Variants in ZNF236 observed in about 807,000 individuals in gnomAD.
ZNF236 encodes zinc finger protein 236.
In ZNF236, 50 loss-of-function variants were observed where a neutral mutation model predicts 191.2. The observed-to-expected ratio is 0.26, with a 90% CI of 0.21 to 0.33. The LOEUF is 0.33. ZNF236 is among the 10% of genes least tolerant of loss of function. The probability of loss-of-function intolerance (pLI) is 1.00; values close to 1 mark genes in which losing one functional copy is unlikely to be tolerated. For missense variants in ZNF236, 1,754 were observed against 2,374.5 expected, an observed-to-expected ratio of 0.74 and a Z score of 5.43; for synonymous variants, 907 against 928.8, an observed-to-expected ratio of 0.98 and a Z score of 0.43.
intron 4 of ZNF236, 140 bp from the exon 5 acceptor site, chr18:76,871,561 C>T (rs1050589700): frequency 2.4e-6 from 2 of 836,270 alleles, no homozygotes; most frequent in Non-Finnish European, 1.9e-6. Context: ...CACACAGACA[C>T]ATACATATAT....
intron 9 of ZNF236, among the ~76,000 whole-genome samples, chr18:76,883,112 C>T (rs755472578): frequency 2.0e-5 from 3 of 152,046 alleles, no homozygotes; most frequent in Non-Finnish European, 4.4e-5. Flanking sequence ...GACCTTCACC[C>T]GCATGTGCTG....
chr18:76,837,143 C>CCCCCCCG (rs1975358526), intron 1 of ZNF236, among the ~76,000 whole-genome samples: 2 of 125,874 alleles, frequency 1.6e-5, no homozygotes, highest in African/African-American at 5.7e-5. Flanking sequence ...CCCCCCCGCC[C>CCCCCCCG]CGCAAGCCTC....
chr18:76,851,192 G>A (rs537461391), intron 2 of ZNF236, among the ~76,000 whole-genome samples: 12 of 150,650 alleles, frequency 8.0e-5, no homozygotes, highest in African/African-American at 2.4e-4. Context: ...ACTTACAAAC[G>A]GCAAATGTAA....
At chr18:76,837,127 T>TCCCCCCCCCCCCCCC (rs57114708) in intron 1 of ZNF236, among the ~76,000 whole-genome samples, 18 of 37,066 alleles carry the variant, frequency 4.9e-4, no homozygotes, top group African/African-American at 7.4e-4. Flanking sequence ...CCGCACCCCC[T>TCCCCCCCCCCCCCCC]CCCCCCCCCC....
At chr18:76,865,500 A>C (rs938843871) in intron 3 of ZNF236, among the ~76,000 whole-genome samples, 5 of 152,154 alleles carry the variant, frequency 3.3e-5, no homozygotes, top group Admixed American at 6.5e-5. Flanking sequence ...TAAACTATTC[A>C]CCACTTAGGA....
At chr18:76,824,836 T>G (rs1974971597) in intron 1 of ZNF236, among the ~76,000 whole-genome samples, 1 of 152,202 alleles carries the variant, frequency 6.6e-6, no homozygotes, top group Non-Finnish European at 1.5e-5. Flanking sequence ...TCTCCAGAGA[T>G]ACCCTCTGAC....
chr18:76,855,354 C>G (rs1976012475), intron 3 of ZNF236, among the ~76,000 whole-genome samples: 1 of 152,220 alleles, frequency 6.6e-6, no homozygotes, highest in Non-Finnish European at 1.5e-5. Context: ...GTTACGTCTC[C>G]TTTGGGTTCC....
At chr18:76,888,686 C>G (rs1977133663) in intron 9 of ZNF236, 1 of 152,254 alleles carries the variant, frequency 6.6e-6, no homozygotes, top group Non-Finnish European at 1.5e-5. Context: ...TTTGTTGGAA[C>G]CAGCATTTGG....
Position 76,899,011 on chromosome 18 carries a change from T to C in ZNF236, c.1691-8T>C. On this transcript the variant is annotated splice_region_variant and splice_polypyrimidine_tract_variant and intron_variant, in intron 10 of 30. Transcript: ENST00000320610. ...AATAATTCTAAAATGTGATTTCATT[T>C]TTATTAGGAGTTAGACCTTTTGCTT... is the stretch of plus-strand genomic sequence containing the variant. 6.2e-7 allele frequency: 1 copy of C among 1,604,022 alleles called. No homozygotes were observed.
At chr18:76,963,482 T>G (rs1968708347) in intron 30 of ZNF236, among the ~76,000 whole-genome samples, 1 of 152,208 alleles carries the variant, frequency 6.6e-6, no homozygotes. Flanking sequence ...TTAGCTAGTA[T>G]TTTGTTAAGG....
chr18:76,890,627 A>G (rs761379638), intron 9 of ZNF236, among the ~76,000 whole-genome samples: 8 of 152,178 alleles, frequency 5.3e-5, no homozygotes, highest in East Asian at 1.9e-4. Flanking sequence ...TACTCATCCA[A>G]TGGGTTAGAA....
chr18:76,904,917 G>A (rs1599381026), intron 12 of ZNF236, among the ~76,000 whole-genome samples: 1 of 152,162 alleles, frequency 6.6e-6, no homozygotes. Flanking sequence ...AAAAAGTATA[G>A]AACTTAGAAA....
rs2122991935 is a variant in ZNF236, at chr18:76,968,684, A to G, written c.*345A>G. 2.0e-6 allele frequency: 2 copies of G among 1,021,532 alleles called. No homozygotes were observed. The highest frequency in any genetic ancestry group is 4.1e-5 in the South Asian group (1 of 24,492). The allele number at this position is 1,021,532 out of a possible 1,614,324, so 63.3% of individuals were successfully genotyped here. A position where few individuals can be genotyped will look rare whatever the true frequency, so the allele number is the denominator to read the frequency against. ...TGATTTCTTTGTATTAGCAAAGACA[A>G]AAACGCTAACATTGAAAAAGTATGT... is the stretch of plus-strand genomic sequence containing the variant. On this transcript the variant is annotated 3_prime_UTR_variant, in exon 31 of 31. Transcript: ENST00000320610.
chr18:76,901,214 A>G (rs1424796606), intron 11 of ZNF236, among the ~76,000 whole-genome samples: 1 of 152,230 alleles, frequency 6.6e-6, no homozygotes, highest in Non-Finnish European at 1.5e-5. Flanking sequence ...AATGAACAGA[A>G]AATATAGATG....
intron 20 of ZNF236, 57 bp from the exon 21 acceptor site, chr18:76,923,014 A>C: frequency 7.6e-7 from 1 of 1,323,480 alleles, no homozygotes; most frequent in Non-Finnish European, 1.1e-6. Flanking sequence ...TATAGTTATA[A>C]ATTTCAAATC....
At chr18:76,889,335 C>T (rs1161902494) in intron 9 of ZNF236, among the ~76,000 whole-genome samples, 1 of 152,188 alleles carries the variant, frequency 6.6e-6, no homozygotes, top group Non-Finnish European at 1.5e-5. Flanking sequence ...TGATGCTCTG[C>T]CATACATGCT....
Position 76,960,568 on chromosome 18 carries a change from G to T in ZNF236, c.5243-111G>T, listed in dbSNP as rs1201491850. On this transcript the variant is annotated intron_variant, in intron 29 of 30. Coordinates refer to ENST00000320610, the MANE Select transcript of ZNF236 (RefSeq NM_001306089.2). The surrounding 1 kb of genome is among the most constrained non-coding windows in gnomAD (Gnocchi z 4.4). ...TGTTCAGATGACAGCCAGGCTGAAA[G>T]CCTAAAAGAAAAGAGGAACATTCAG... The T allele has an allele frequency of 5.8e-6, 8 of 1,377,116 alleles. No homozygotes were observed. The East Asian group carries it at 9.2e-5, about 16-fold the overall frequency. 85.3% of individuals were successfully genotyped at this position (1,377,116 alleles called of 1,614,324 possible).
chr18:76,939,505 G>A (rs1040795853), intron 26 of ZNF236, among the ~76,000 whole-genome samples: 1 of 152,140 alleles, frequency 6.6e-6, no homozygotes, highest in Non-Finnish European at 1.5e-5. Context: ...CTGAGGTCTG[G>A]GGCAGGCAGT....
chr18:76,913,069 A>G (rs1461202696), intron 17 of ZNF236, among the ~76,000 whole-genome samples: 1 of 152,264 alleles, frequency 6.6e-6, no homozygotes, highest in Non-Finnish European at 1.5e-5. Flanking sequence ...CTTAGGTTAT[A>G]GTGTAGGGAC....
Sources: allele counts gnomAD v4.1 joint callset (sites outside exome capture counted in the v4.1 genomes callset), GRCh38; gene constraint gnomAD v4.1.1; non-coding constraint Gnocchi (gnomAD v3.1); transcripts MANE v1.5; gene names NCBI Gene and HGNC (gene_info 2026-07-23, HGNC 2026-07-21).